VWF: variants seen among roughly 807,000 people sequenced by gnomAD.
VWF encodes Factor VIII related antigen.
A neutral mutation model predicts 308.6 loss-of-function variants in VWF; 176 were observed. The ratio of observed to expected loss-of-function variants is 0.57; its 90% CI spans 0.50 to 0.65. VWF has a LOEUF of 0.65. VWF is among the 30% of genes least tolerant of loss of function. VWF has a pLI of 0.00. For missense variants in VWF, 3,146 were observed against 3,648.2 expected, an observed-to-expected ratio of 0.86 and a Z score of 3.55; for synonymous variants, 1,385 against 1,443.4, an observed-to-expected ratio of 0.96 and a Z score of 0.92.
At chr12:6,090,504 G>GT (rs1945020623) in intron 6 of VWF, among the ~76,000 whole-genome samples, 1 of 152,176 alleles carries the variant, frequency 6.6e-6, no homozygotes, top group East Asian at 1.9e-4. Context: ...AGCCCGGCGT[G>GT]TGCTTGTCCT....
chr12:6,074,593 TCAG>T (rs1327764736), intron 7 of VWF, among the ~76,000 whole-genome samples: 1 of 151,782 alleles, frequency 6.6e-6, no homozygotes. Flanking sequence ...AAGTTTGAAT[TCAG>T]CAGCTATTTG....
In VWF at chr12:5,983,234, C is replaced by A; in HGVS notation, c.6997G>T (p.Asp2333Tyr). The change falls in exon 41 of 52, where the codon GAC (aspartate) becomes TAC (tyrosine). Residue 2333 changes from aspartate (D) to tyrosine (Y), a missense_variant. Physicochemically the swap from Asp to Tyr is radical, Grantham distance 160. Around this residue, in one of 3 missense-constraint regions of VWF, gnomAD observed 989 missense variants for 1,117.4 expected, o/e 0.89. Coordinates refer to ENST00000261405, the MANE Select transcript of VWF (RefSeq NM_000552.5). ...TCACAGTGAGGCACTGGGGGCAGGT[C>A]ACAGCTCACTGGGTCACACACTGAG... is the stretch of plus-strand genomic sequence containing the variant. ...YECVCDPVSC[D>Y]LPPVPHCERG... 6.2e-7 allele frequency: 1 copy of A among 1,613,998 alleles called. No individual in the cohort carries two copies. The highest frequency in any genetic ancestry group is 1.1e-5 in the South Asian group (1 of 91,042).
chr12:5,980,372 C>T (rs962351413), intron 42 of VWF, among the ~76,000 whole-genome samples: 1 of 152,104 alleles, frequency 6.6e-6, no homozygotes, highest in African/African-American at 2.4e-5. Context: ...TGTAATGAAT[C>T]CCCTGGGTCT....
intron 8 of VWF, among the ~76,000 whole-genome samples, chr12:6,072,790 T>G (rs1480133975): frequency 6.6e-6 from 1 of 151,872 alleles, no homozygotes; most frequent in African/African-American, 2.4e-5. Context: ...ATTCCACAGA[T>G]GAAGGGAGTC....
chr12:6,091,782 C>T lies in VWF; in HGVS notation c.657+3678G>A, dbSNP rs1395566160. 2.6e-5 allele frequency among the ~76,000 whole-genome samples: 4 copies of T among 152,124 alleles called. No homozygotes were observed. The East Asian group carries it at 7.7e-4, about 29-fold the overall frequency. ...AACTCCCCAAGAGAAACACAAGGGC[C>T]CACTGGTAGAAATAACTTGAGTAGC... On this transcript the variant is annotated intron_variant, in intron 6 of 51. Coordinates refer to ENST00000261405, the MANE Select transcript of VWF (RefSeq NM_000552.5).
chr12:6,057,826 G>C, intron 14 of VWF, 23 bp downstream of exon 14: 1 of 1,591,862 alleles, frequency 6.3e-7, no homozygotes, highest in Non-Finnish European at 8.6e-7. Context: ...CGAGGTCCCT[G>C]CCTTGCCCCC....
chr12:6,020,380 C>T lies in VWF; in HGVS notation c.3675-637G>A, dbSNP rs958982540. Among the ~76,000 whole-genome samples the T allele has an allele frequency of 9.9e-5, 15 of 152,228 alleles. No homozygotes were observed. Among genetic ancestry groups the T allele is most frequent in the South Asian group, 2.1e-4 (1 of 4,830 alleles). ...TGGGAGTAGCAGACAGGGGTCTCCACGGTGTCAGGCCTAGGAAAAGACATT... is the reference window on the plus strand; with the variant it reads ...TGGGAGTAGCAGACAGGGGTCTCCATGGTGTCAGGCCTAGGAAAAGACATT... On this transcript the variant is annotated intron_variant, in intron 27 of 51. Coordinates refer to ENST00000261405, the MANE Select transcript of VWF (RefSeq NM_000552.5). The surrounding 1 kb of genome is among the most constrained non-coding windows in gnomAD (Gnocchi z 4.3).
chr12:5,961,250 AAT>A (rs1483243159), intron 47 of VWF, among the ~76,000 whole-genome samples: 5 of 152,202 alleles, frequency 3.3e-5, no homozygotes, highest in African/African-American at 9.7e-5. Flanking sequence ...TAAGGTGCAT[AAT>A]AAACATAATG....
intron 13 of VWF, 67 bp downstream of exon 13, chr12:6,062,887 C>A (rs1220785578): frequency 1.5e-6 from 2 of 1,348,102 alleles, no homozygotes; most frequent in Non-Finnish European, 2.1e-6. Flanking sequence ...GCCATTCTAC[C>A]CAGAGCACAA....
At chr12:6,029,087 C>CAAA (rs71445694) in intron 22 of VWF, among the ~76,000 whole-genome samples, 6 of 130,518 alleles carry the variant, frequency 4.6e-5, no homozygotes, top group African/African-American at 8.5e-5. Flanking sequence ...AAATGGAAGG[C>CAAA]AAAAAAAAAA....
At chr12:6,047,198 C>T (rs1324141430) in intron 16 of VWF, among the ~76,000 whole-genome samples, 1 of 152,090 alleles carries the variant, frequency 6.6e-6, no homozygotes, top group Non-Finnish European at 1.5e-5. Context: ...GTCCTAGGCT[C>T]GCTCCTCTTC....
chr12:5,974,241 C>T (rs1308143003), intron 43 of VWF, among the ~76,000 whole-genome samples: 3 of 152,164 alleles, frequency 2.0e-5, no homozygotes, highest in Non-Finnish European at 2.9e-5. Context: ...TCACTCAACA[C>T]AGTACAGATC....
chr12:5,949,513 T>A (rs1402686262), intron 51 of VWF, among the ~76,000 whole-genome samples: 2 of 152,214 alleles, frequency 1.3e-5, no homozygotes, highest in East Asian at 3.8e-4. Context: ...GTTTGACTGA[T>A]CTTCAAGAAT....
intron 6 of VWF, among the ~76,000 whole-genome samples, chr12:6,077,420 G>A (rs1055343391): frequency 1.4e-4 from 22 of 152,194 alleles, no homozygotes; most frequent in African/African-American, 5.1e-4. Context: ...GCCATCAGCT[G>A]CTCTGCGTCT....
intron 40 of VWF, among the ~76,000 whole-genome samples, chr12:5,983,986 A>G (rs897018403): frequency 1.9e-5 from 2 of 104,740 alleles, no homozygotes; most frequent in Non-Finnish European, 4.0e-5. Flanking sequence ...ATAGATAGAT[A>G]GATAGATAGA....
At chr12:6,010,728 G>A (rs1432436663) in intron 34 of VWF, among the ~76,000 whole-genome samples, 2 of 152,166 alleles carry the variant, frequency 1.3e-5, no homozygotes, top group African/African-American at 2.4e-5. Context: ...ATCACAAAAG[G>A]CAAAGCTCTT....
chr12:6,114,575 G>A (rs547334620), intron 3 of VWF, among the ~76,000 whole-genome samples: 84 of 152,308 alleles, frequency 5.5e-4, no homozygotes, highest in African/African-American at 1.5e-3. Flanking sequence ...TGCGGGGCTC[G>A]GGGCTGGCCA....
At chr12:6,035,147 A>T (rs1440121131) in intron 19 of VWF, among the ~76,000 whole-genome samples, 1 of 152,196 alleles carries the variant, frequency 6.6e-6, no homozygotes, top group African/African-American at 2.4e-5. Context: ...GAATTCGCTC[A>T]GCCTCACCCT....
chr12:6,003,124 A>C (rs1163907947), intron 34 of VWF, among the ~76,000 whole-genome samples: 1 of 152,266 alleles, frequency 6.6e-6, no homozygotes, highest in Non-Finnish European at 1.5e-5. Context: ...AAAATGATGT[A>C]TGAACCGAAT....
Sources: gnomAD v4.1 joint callset for allele counts (sites outside exome capture counted in the v4.1 genomes callset) on GRCh38, gnomAD v4.1.1 for gene constraint, gnomAD v4.1.1 regional missense constraint, Gnocchi (gnomAD v3.1) non-coding constraint, MANE v1.5 for transcripts, NCBI Gene and HGNC (gene_info 2026-07-23, HGNC 2026-07-21) for gene names.